Variants in KPNA5 observed in about 807,000 individuals in gnomAD.
KPNA5 encodes karyopherin subunit alpha 5.
Under a neutral mutation model 71.3 loss-of-function variants are expected in KPNA5, and 46 were observed. The ratio of observed to expected loss-of-function variants is 0.65; its 90% CI spans 0.51 to 0.83. KPNA5 has a LOEUF of 0.83. Among genes scored for constraint, KPNA5 ranks in the 40% least tolerant of loss-of-function variants. The pLI is 0.00. For missense variants in KPNA5, 547 were observed against 628.3 expected (o/e 0.87, Z 1.38); for synonymous variants, 207 against 201.4 (o/e 1.03, Z -0.24).
rs1779728339 is a variant in KPNA5, at chr6:116,737,867, T to A, written c.*5544T>A. 6.6e-6 allele frequency: 1 copy of A among 151,976 alleles called. No homozygotes were observed. The highest frequency in any genetic ancestry group is 1.5e-5 in the Non-Finnish European group (1 of 67,928). The allele number at this position is 151,976 out of a possible 1,614,324, so 9.4% of individuals were successfully genotyped here. The stretch of plus-strand genomic sequence containing the variant: ...AGTGATTATAGTCTTTTTACTTATT[T>A]CCTTAGTTTTTGCTCATAATTTTAG... On this transcript the variant is annotated 3_prime_UTR_variant, in exon 14 of 14. Transcript: ENST00000368564.
Position 116,741,618 on chromosome 6 carries a change from T to G in KPNA5, c.*9295T>G, listed in dbSNP as rs1184966823. The G allele has an allele frequency of 1.3e-5, 2 of 153,358 alleles. No homozygotes were observed. Among genetic ancestry groups the G allele is most frequent in the African/African-American group, 4.8e-5 (2 of 41,426 alleles). 9.5% of individuals were successfully genotyped at this position (153,358 alleles called of 1,614,324 possible). A position where few individuals can be genotyped will look rare whatever the true frequency, so the allele number is the denominator to read the frequency against. On this transcript the variant is annotated 3_prime_UTR_variant, in exon 14 of 14. Transcript: ENST00000368564. Reference sequence around the variant, plus strand: ...AGCATGAGCTTCCATGGTGAAGTCTTCTGTACCAATGCACCAGAGAATGCC... The same window carrying G: ...AGCATGAGCTTCCATGGTGAAGTCTGCTGTACCAATGCACCAGAGAATGCC...
chr6:116,702,955 A>T (rs1778285544), intron 6 of KPNA5, among the ~76,000 whole-genome samples: 1 of 152,170 alleles, frequency 6.6e-6, no homozygotes, highest in South Asian at 2.1e-4. Flanking sequence ...TTTTATGTAC[A>T]TAAATCTGTT....
rs1779717726 is a variant in KPNA5, at chr6:116,737,592, C to G, written c.*5269C>G. 6.6e-6 allele frequency: 1 copy of G among 151,976 alleles called. No homozygotes were observed. Among genetic ancestry groups the G allele is most frequent in the African/African-American group, 2.4e-5 (1 of 41,434 alleles). The allele number at this position is 151,976 out of a possible 1,614,324, so 9.4% of individuals were successfully genotyped here. On this transcript the variant is annotated 3_prime_UTR_variant, in exon 14 of 14. Coordinates refer to ENST00000368564, the MANE Select transcript of KPNA5 (RefSeq NM_001366306.2). ...TCTAGGCAGTAAGAGACAGAGCAGT[C>G]ATAGGGCTCAACTAGTTTGTTTCCT...
At chr6:116,683,579 T>G (rs1025365658) in intron 1 of KPNA5, among the ~76,000 whole-genome samples, 5 of 152,046 alleles carry the variant, frequency 3.3e-5, no homozygotes, top group South Asian at 2.1e-4. Flanking sequence ...TTTCCCTCTT[T>G]TATTTATTAT....
At chr6:116,716,379 A>G (rs1163824075) in intron 8 of KPNA5, 61 bp downstream of exon 8, 1 of 1,159,086 alleles carries the variant, frequency 8.6e-7, no homozygotes, top group Non-Finnish European at 1.3e-6. Flanking sequence ...TCTATATAAT[A>G]GCTTTTTGAT....
chr6:116,682,497 C>T (rs970186434), intron 1 of KPNA5, among the ~76,000 whole-genome samples: 2 of 152,186 alleles, frequency 1.3e-5, no homozygotes, highest in African/African-American at 4.8e-5. Flanking sequence ...GCAACTCTCT[C>T]CCTCCGACCT....
chr6:116,732,074 T>TTTTA (rs1463339776), intron 13 of KPNA5, 62 bp from the exon 14 acceptor site: 730 of 67,610 alleles, frequency 0.011, 82 homozygotes, highest in African/African-American at 0.024. Flanking sequence ...AACAGTTTGT[T>TTTTA]TATATATATA....
At chr6:116,710,011 G>A (rs1778594651) in intron 7 of KPNA5, among the ~76,000 whole-genome samples, 1 of 151,972 alleles carries the variant, frequency 6.6e-6, no homozygotes, top group Admixed American at 6.6e-5. Context: ...CGCCCGCCTC[G>A]ACCTCCCAAG....
chr6:116,681,639 T>C, intron 1 of KPNA5: 1 of 823,724 alleles, frequency 1.2e-6, no homozygotes, highest in Non-Finnish European at 1.6e-6. Flanking sequence ...TTCTCGGTAG[T>C]TCTTTTCAGT....
chr6:116,694,624 A>C (rs570162488), intron 4 of KPNA5, among the ~76,000 whole-genome samples: 11 of 152,308 alleles, frequency 7.2e-5, no homozygotes, highest in South Asian at 6.2e-4. Context: ...TTATCAGCTT[A>C]AGGAGATTTT....
intron 4 of KPNA5, among the ~76,000 whole-genome samples, chr6:116,693,209 T>C (rs1205848075): frequency 6.6e-6 from 1 of 152,224 alleles, no homozygotes; most frequent in Non-Finnish European, 1.5e-5. Flanking sequence ...TGTGCATGTG[T>C]CTTTACAGCA....
At chr6:116,703,307 C>T (rs1430801455) in intron 6 of KPNA5, among the ~76,000 whole-genome samples, 9 of 151,128 alleles carry the variant, frequency 6.0e-5, no homozygotes, top group South Asian at 2.1e-4. Flanking sequence ...TCGTCCCCCA[C>T]GCTGGAATGC....
intron 13 of KPNA5, 50 bp from the exon 14 acceptor site, chr6:116,732,074 TTATATATATATA>T (rs2243369): frequency 0.021 from 1,397 of 67,604 alleles, 41 homozygotes; most frequent in South Asian, 0.034. Flanking sequence ...AACAGTTTGT[TTATATATATATA>T]TATATATATA....
Position 116,688,299 on chromosome 6 carries a change from C to G in KPNA5, c.5-1021C>G, listed in dbSNP as rs547748830. ...CAATATCAGGGATGGCAGACAGATG[C>G]CAGCCTCTCCTTCTCTTGTGTTTAC... On this transcript the variant is annotated intron_variant, in intron 1 of 13. Transcript: ENST00000368564. Among the ~76,000 whole-genome samples, 30 of 152,208 alleles carry G rather than the reference C, an allele frequency of 2.0e-4. No homozygotes were observed. In the South Asian group the frequency reaches 5.8e-3, roughly 29 times the overall value.
intron 10 of KPNA5, among the ~76,000 whole-genome samples, chr6:116,725,194 T>C (rs1779247839): frequency 6.6e-6 from 1 of 152,194 alleles, no homozygotes; most frequent in South Asian, 2.1e-4. Context: ...CTTCACCAGA[T>C]GAATTTAATG....
At chr6:116,698,328 T>C (rs1409279477) in intron 4 of KPNA5, among the ~76,000 whole-genome samples, 1 of 152,038 alleles carries the variant, frequency 6.6e-6, no homozygotes, top group Non-Finnish European at 1.5e-5. Context: ...GAAGGAGATA[T>C]GCTTAGAAAT....
At chr6:116,689,555 T>A in intron 2 of KPNA5, 102 bp downstream of exon 2, 1 of 1,008,204 alleles carries the variant, frequency 9.9e-7, no homozygotes, top group Non-Finnish European at 1.4e-6. Flanking sequence ...TGAATATAGC[T>A]AAATCTATTA....
At position 116,740,883 on chromosome 6, in the gene KPNA5, T is replaced by C. The variant is rs1005269887; in HGVS notation, c.*8560T>C. The C allele has an allele frequency of 6.6e-6, 1 of 151,484 alleles. No homozygotes were observed. Among genetic ancestry groups the C allele is most frequent in the African/African-American group, 2.4e-5 (1 of 41,214 alleles). 9.4% of individuals were successfully genotyped at this position (151,484 alleles called of 1,614,324 possible). ...GGGGGAGGGATAGCTTTAGGAGATATACCTAATGCTAAATGACGAGTTAAT... is the reference window on the plus strand; with the variant it reads ...GGGGGAGGGATAGCTTTAGGAGATACACCTAATGCTAAATGACGAGTTAAT... On this transcript the variant is annotated 3_prime_UTR_variant, in exon 14 of 14. Coordinates refer to ENST00000368564, the MANE Select transcript of KPNA5 (RefSeq NM_001366306.2).
At position 116,698,717 on chromosome 6, in the gene KPNA5, A is replaced by G. The variant is rs138320542; in HGVS notation, c.354A>G (p.Pro118=). The G allele has an allele frequency of 1.0e-5, 16 of 1,583,884 alleles. No homozygotes were observed. The highest frequency in any genetic ancestry group is 1.4e-5 in the Non-Finnish European group (16 of 1,164,720). Residue 118 remains proline, a synonymous_variant, in exon 5 of 14, where the codon CCA becomes CCG. Transcript: ENST00000368564. ...RKLLSKEPNP[P]IDQVIQKPGV... ...TTAAATTTTTAGAACCTAATCCACC[A>G]ATAGATCAAGTTATACAGAAACCAG... is the stretch of plus-strand genomic sequence containing the variant.
Sources: gnomAD v4.1 joint callset for allele counts (sites outside exome capture counted in the v4.1 genomes callset) on GRCh38, gnomAD v4.1.1 for gene constraint, MANE v1.5 for transcripts, NCBI Gene and HGNC (gene_info 2026-07-23, HGNC 2026-07-21) for gene names.